Variants in GNA13 observed in about 807,000 individuals in gnomAD.
The protein encoded by GNA13 is G protein subunit alpha 13, also known as guanine nucleotide-binding protein subunit alpha-13.
GNA13 carries 4 observed loss-of-function variants against 33.5 expected under a neutral mutation model. The observed-to-expected ratio is 0.12, with a 90% CI of 0.06 to 0.27. GNA13 has a LOEUF of 0.27. Among genes scored for constraint, GNA13 ranks in the 10% least tolerant of loss-of-function variants. GNA13 has a pLI of 1.00. For missense variants in GNA13, 319 were observed against 487.2 expected (o/e 0.65, Z 3.25); for synonymous variants, 176 against 183.8 (o/e 0.96, Z 0.34).
At chr17:65,049,103 C>T (rs1907771460) in intron 2 of GNA13, among the ~76,000 whole-genome samples, 1 of 152,032 alleles carries the variant, frequency 6.6e-6, no homozygotes, top group Admixed American at 6.6e-5. Flanking sequence ...AATTATATTA[C>T]ATATTTTTTA....
At chr17:65,015,603 C>T (rs1906336621) in intron 3 of GNA13, among the ~76,000 whole-genome samples, 1 of 139,680 alleles carries the variant, frequency 7.2e-6, no homozygotes, top group Non-Finnish European at 1.5e-5. Context: ...GTGGAGCTTG[C>T]AGTGAGCTGA....
intron 2 of GNA13, among the ~76,000 whole-genome samples, chr17:65,022,873 T>C (rs1295369120): frequency 1.3e-5 from 2 of 152,222 alleles, no homozygotes; most frequent in African/African-American, 2.4e-5. Flanking sequence ...AGCCTTTCAG[T>C]GAGAGCAGCT....
intron 2 of GNA13, among the ~76,000 whole-genome samples, chr17:65,028,528 T>C (rs933900039): frequency 1.3e-5 from 2 of 151,988 alleles, no homozygotes; most frequent in Non-Finnish European, 2.9e-5. Flanking sequence ...ACTGTAATTA[T>C]AATTTTCCTA....
chr17:65,047,974 T>C (rs947198231), intron 2 of GNA13, among the ~76,000 whole-genome samples: 3 of 152,224 alleles, frequency 2.0e-5, no homozygotes, highest in Admixed American at 6.5e-5. Flanking sequence ...CACTATCTTA[T>C]CGGCTTCAAG....
At chr17:65,032,472 T>G (rs1191051276) in intron 2 of GNA13, among the ~76,000 whole-genome samples, 2 of 152,218 alleles carry the variant, frequency 1.3e-5, no homozygotes, top group Admixed American at 1.3e-4. Flanking sequence ...AAAATGATTT[T>G]AAAGTTAAAA....
At chr17:65,019,713 T>C (rs1567817795) in intron 2 of GNA13, among the ~76,000 whole-genome samples, 2 of 152,172 alleles carry the variant, frequency 1.3e-5, no homozygotes, top group Admixed American at 6.5e-5. Flanking sequence ...GGACGGCTAA[T>C]AGGTACAAAA....
intron 2 of GNA13, among the ~76,000 whole-genome samples, chr17:65,024,786 T>C (rs1906712228): frequency 6.6e-6 from 1 of 152,246 alleles, no homozygotes; most frequent in South Asian, 2.1e-4. Flanking sequence ...TTCGTATTAA[T>C]TTCATCTTTT....
rs1423879533 is a variant in GNA13 at position 65,010,091 on chromosome 17, T to C, written c.*4166A>G. On this transcript the variant is annotated 3_prime_UTR_variant, in exon 4 of 4. Transcript: ENST00000439174. ...AAATATTGCCATATCATTCATGCTTTCAAAACAATGTTCATATAAGCTCTC... is the reference window on the plus strand; with the variant it reads ...AAATATTGCCATATCATTCATGCTTCCAAAACAATGTTCATATAAGCTCTC... 6.6e-6 allele frequency among the ~76,000 whole-genome samples: 1 copy of C among 152,234 alleles called. No homozygotes were observed. Among genetic ancestry groups the C allele is most frequent in the African/African-American group, 2.4e-5 (1 of 41,458 alleles).
At chr17:65,016,481 C>A (rs1424852171) in intron 3 of GNA13, among the ~76,000 whole-genome samples, 3 of 152,208 alleles carry the variant, frequency 2.0e-5, no homozygotes, top group African/African-American at 7.2e-5. Context: ...GCTCCTCAGC[C>A]TCCCGAATAG....
At chr17:65,021,260 A>G (rs1906572475) in intron 2 of GNA13, among the ~76,000 whole-genome samples, 1 of 152,270 alleles carries the variant, frequency 6.6e-6, no homozygotes, top group Non-Finnish European at 1.5e-5. Context: ...GGTGAGCTTC[A>G]GTGACCCTTT....
intron 2 of GNA13, among the ~76,000 whole-genome samples, chr17:65,046,580 G>A (rs1310314433): frequency 6.6e-6 from 1 of 152,168 alleles, no homozygotes; most frequent in Non-Finnish European, 1.5e-5. Flanking sequence ...CACCTGTTTT[G>A]GGCTAATAGG....
Position 65,018,305 on chromosome 17 carries a change from T to A in GNA13, c.511-2A>T. On this transcript the variant is annotated splice_acceptor_variant, in intron 2 of 3. Transcript: ENST00000439174. LOFTEE classifies it high-confidence loss of function. Reference sequence around the variant, plus strand: ...CAGGAAATATTTTACAGATTCACCCTAAAAACAAGAAGAAAACAAATAGTT... The same window carrying A: ...CAGGAAATATTTTACAGATTCACCCAAAAAACAAGAAGAAAACAAATAGTT... 6.9e-7 allele frequency: 1 copy of A among 1,441,510 alleles called. No individual in the cohort carries two copies. The highest frequency in any genetic ancestry group is 9.8e-7 in the Non-Finnish European group (1 of 1,022,896). The allele number at this position is 1,441,510 out of a possible 1,614,324, so 89.3% of individuals were successfully genotyped here. A position where few individuals can be genotyped will look rare whatever the true frequency, so the allele number is the denominator to read the frequency against.
intron 2 of GNA13, among the ~76,000 whole-genome samples, chr17:65,052,636 T>C (rs1317749538): frequency 1.3e-5 from 2 of 152,244 alleles, no homozygotes; most frequent in Non-Finnish European, 1.5e-5. Context: ...TGATTAAAAA[T>C]TTGTTTCAAC....
intron 3 of GNA13, among the ~76,000 whole-genome samples, chr17:65,017,565 C>T (rs750769062): frequency 2.0e-5 from 3 of 152,174 alleles, no homozygotes; most frequent in Non-Finnish European, 2.9e-5. Context: ...GTCAAACAAG[C>T]GAGATGCTCT....
chr17:65,031,921 A>AGAGTGTGTGTGTGTGTGTGTGTGT (rs770161529), intron 2 of GNA13, among the ~76,000 whole-genome samples: 1 of 91,624 alleles, frequency 1.1e-5, no homozygotes, highest in Non-Finnish European at 2.2e-5. Flanking sequence ...AGAGAGAGAG[A>AGAGTGTGTGTGTGTGTGTGTGTGT]GTGTGTGTGT....
At chr17:65,020,210 TAAC>T (rs1228577849) in intron 2 of GNA13, among the ~76,000 whole-genome samples, 1 of 152,232 alleles carries the variant, frequency 6.6e-6, no homozygotes, top group Non-Finnish European at 1.5e-5. Context: ...ATTTTTTTCT[TAAC>T]AATTTCAGAA....
intron 1 of GNA13, among the ~76,000 whole-genome samples, chr17:65,055,934 T>A (rs1195294657): frequency 6.6e-6 from 1 of 151,984 alleles, no homozygotes; most frequent in Non-Finnish European, 1.5e-5. Context: ...GGGCTGCTAT[T>A]GGTGTTCCTG....
chr17:65,051,732 A>T (rs1907865923), intron 2 of GNA13, among the ~76,000 whole-genome samples: 1 of 152,230 alleles, frequency 6.6e-6, no homozygotes, highest in Non-Finnish European at 1.5e-5. Context: ...GGACAAAACT[A>T]ACCAGAAATC....
chr17:65,055,580 G>A (rs1452442267), intron 1 of GNA13: 2 of 984,096 alleles, frequency 2.0e-6, no homozygotes, highest in Admixed American at 6.2e-5. Flanking sequence ...GAAATCACAC[G>A]CAAACATCCT....
Sources: gnomAD v4.1 joint callset for allele counts (sites outside exome capture counted in the v4.1 genomes callset) on GRCh38, gnomAD v4.1.1 for gene constraint, MANE v1.5 for transcripts, NCBI Gene and HGNC (gene_info 2026-07-23, HGNC 2026-07-21) for gene names.